ZSCAN30: variants seen among roughly 807,000 people sequenced by gnomAD.
ZSCAN30 encodes the protein zinc finger and SCAN domain-containing protein 30.
In ZSCAN30, 37 loss-of-function variants were observed where a neutral mutation model predicts 44.3. The observed-to-expected ratio is 0.84, with a 90% CI of 0.64 to 1.10. The LOEUF (loss-of-function observed/expected upper bound fraction) is 1.10, where lower values mean the gene tolerates loss of function less well. Among genes scored for constraint, ZSCAN30 ranks in the 50% least tolerant of loss-of-function variants. The probability of loss-of-function intolerance (pLI) is 0.00; values close to 1 mark genes in which losing one functional copy is unlikely to be tolerated. For synonymous variants in ZSCAN30, 181 were observed against 204.6 expected (o/e 0.88, Z 0.98); for missense variants, 549 against 582.6 (o/e 0.94, Z 0.59).
chr18:35,257,984 G>A (rs1288123417), intron 3 of ZSCAN30: 1 of 780,968 alleles, frequency 1.3e-6, no homozygotes, highest in South Asian at 1.3e-5. Flanking sequence ...CTCCATCTCA[G>A]GCGCTACTTC....
chr18:35,259,719 A>G (rs1018856116), intron 3 of ZSCAN30: 3 of 154,432 alleles, frequency 1.9e-5, no homozygotes, highest in African/African-American at 7.2e-5. Context: ...CCCATAACAA[A>G]TAACAATATG....
chr18:35,277,556 G>A (rs1455093036), intron 1 of ZSCAN30, among the ~76,000 whole-genome samples: 2 of 152,040 alleles, frequency 1.3e-5, no homozygotes, highest in East Asian at 1.9e-4. Context: ...CTTTTGCTTG[G>A]CACTTCTTCT....
chr18:35,265,548 T>C (rs1022216909), intron 1 of ZSCAN30, among the ~76,000 whole-genome samples: 1 of 152,174 alleles, frequency 6.6e-6, no homozygotes, highest in Non-Finnish European at 1.5e-5. Flanking sequence ...CCCAGGACAA[T>C]CTTGGCTGAT....
chr18:35,253,352 C>G lies in ZSCAN30; in HGVS notation c.*98G>C. ...ATAGTACCGAACTGGGAGGGAAGGACAGAAGTTCTGCTCTCAGGAAACTTT... is the reference window on the plus strand; with the variant it reads ...ATAGTACCGAACTGGGAGGGAAGGAGAGAAGTTCTGCTCTCAGGAAACTTT... On this transcript the variant is annotated 3_prime_UTR_variant, in exon 4 of 4. Coordinates refer to ENST00000333206, the MANE Select transcript of ZSCAN30 (RefSeq NM_001112734.4). 1.0e-6 allele frequency: 1 copy of G among 955,840 alleles called. No individual in the cohort carries two copies. The highest frequency in any genetic ancestry group is 1.5e-6 in the Non-Finnish European group (1 of 650,490). 59.2% of individuals were successfully genotyped at this position (955,840 alleles called of 1,614,324 possible).
intron 1 of ZSCAN30, among the ~76,000 whole-genome samples, chr18:35,278,563 C>A (rs966835013): frequency 6.6e-6 from 1 of 152,218 alleles, no homozygotes; most frequent in African/African-American, 2.4e-5. Flanking sequence ...ATAAATCACA[C>A]ACCTAATCGC....
chr18:35,263,452 C>G, intron 3 of ZSCAN30, 61 bp downstream of exon 3: 1 of 1,589,938 alleles, frequency 6.3e-7, no homozygotes, highest in Non-Finnish European at 8.6e-7. Context: ...GAAAATGAAC[C>G]GTGCCACAGT....
chr18:35,254,357 A>G lies in ZSCAN30; in HGVS notation c.578T>C (p.Val193Ala). Residue 193 changes from valine to alanine, a missense_variant, in exon 4 of 4, where the codon GTG (valine) becomes GCG (alanine). Transcript: ENST00000333206. The stretch of plus-strand genomic sequence containing the variant: ...AACAATTTCTTGCTTTGCCATCAAC[A>G]CTTTGCCAGCCACCATCCTGCCATC... ...ERDGRMVAGK[V>A]LMAKQEIVEC... 6.2e-7 allele frequency: 1 copy of G among 1,613,904 alleles called. No individual in the cohort carries two copies. Among genetic ancestry groups the G allele is most frequent in the Middle Eastern group, 1.6e-4 (1 of 6,062 alleles).
intron 2 of ZSCAN30, 43 bp from the exon 3 acceptor site, chr18:35,263,700 C>A (rs773259581): frequency 1.2e-5 from 19 of 1,606,554 alleles, no homozygotes; most frequent in Non-Finnish European, 1.5e-5. Context: ...TGAGGATACA[C>A]AAGCAGAAAA....
At chr18:35,282,489 C>T (rs963963088) in intron 1 of ZSCAN30, 4 of 135,892 alleles carry the variant, frequency 2.9e-5, no homozygotes, top group Admixed American at 7.5e-5. Flanking sequence ...CACCAGTTTT[C>T]CTAGAATTAT....
intron 1 of ZSCAN30, among the ~76,000 whole-genome samples, chr18:35,273,301 C>G (rs1368107081): frequency 6.6e-6 from 1 of 152,166 alleles, no homozygotes; most frequent in East Asian, 1.9e-4. Flanking sequence ...ACAATATTTG[C>G]CTTTTTGTGA....
intron 1 of ZSCAN30, chr18:35,281,069 T>A (rs780140966): frequency 2.0e-5 from 3 of 152,230 alleles, no homozygotes; most frequent in Non-Finnish European, 4.4e-5. Context: ...CTCAAAAAGA[T>A]TGAGAATCAC....
chr18:35,283,963 AAGG>A (rs758738358), intron 1 of ZSCAN30: 3 of 152,362 alleles, frequency 2.0e-5, no homozygotes, highest in Non-Finnish European at 4.4e-5. Context: ...CTTTACTGAG[AAGG>A]AGGAGCTTTA....
chr18:35,274,660 A>C (rs926313843), intron 1 of ZSCAN30, among the ~76,000 whole-genome samples: 5 of 152,212 alleles, frequency 3.3e-5, no homozygotes, highest in African/African-American at 1.2e-4. Context: ...CAGATAAGCA[A>C]ATAATCTGAA....
chr18:35,265,495 T>C (rs891571267), intron 1 of ZSCAN30, among the ~76,000 whole-genome samples: 1 of 152,230 alleles, frequency 6.6e-6, no homozygotes, highest in Non-Finnish European at 1.5e-5. Flanking sequence ...AACTCTACAG[T>C]ACTTGCTCTT....
intron 1 of ZSCAN30, among the ~76,000 whole-genome samples, chr18:35,277,179 A>G (rs1427703523): frequency 2.0e-5 from 3 of 152,198 alleles, no homozygotes; most frequent in Non-Finnish European, 4.4e-5. Context: ...CATCATATCC[A>G]GGAAGTAACT....
intron 3 of ZSCAN30, chr18:35,259,351 C>T (rs1295177654): frequency 6.6e-6 from 1 of 152,228 alleles, no homozygotes; most frequent in African/African-American, 2.4e-5. Flanking sequence ...ACCACCATCC[C>T]TGGCTAATTT....
chr18:35,264,929 G>A (rs1027791665), intron 1 of ZSCAN30, among the ~76,000 whole-genome samples: 4 of 152,056 alleles, frequency 2.6e-5, no homozygotes, highest in Non-Finnish European at 4.4e-5. Flanking sequence ...GGAGGATCAC[G>A]AGGTCAGAAG....
chr18:35,285,104 C>T (rs2044527740), intron 1 of ZSCAN30: 1 of 153,948 alleles, frequency 6.5e-6, no homozygotes, highest in South Asian at 2.0e-4. Context: ...GCAGTGGCCA[C>T]TCCAGATGGT....
At position 35,270,440 on chromosome 18, in the gene ZSCAN30, T is replaced by A. The variant is rs904935436; in HGVS notation, c.-103-5985A>T. 2.6e-5 allele frequency among the ~76,000 whole-genome samples: 4 copies of A among 152,244 alleles called. No homozygotes were observed. The South Asian group carries it at 8.3e-4, about 31-fold the overall frequency. On this transcript the variant is annotated intron_variant, in intron 1 of 3. Transcript: ENST00000333206. ...TGCTCTTTTTAATTTTTGTTTCTCA[T>A]TTGCATATTTTACCACCTATTTTCC...
Sources: allele counts gnomAD v4.1 joint callset (sites outside exome capture counted in the v4.1 genomes callset), GRCh38; gene constraint gnomAD v4.1.1; transcripts MANE v1.5; gene names NCBI Gene and HGNC (gene_info 2026-07-23, HGNC 2026-07-21).